The following TUSC3 variants were observed in gnomAD, a reference collection of about 807,000 sequenced individuals.
TUSC3 encodes the protein tumor suppressor candidate 3, also known as dolichyl-diphosphooligosaccharide--protein glycosyltransferase subunit TUSC3.
TUSC3 carries 45 observed loss-of-function variants against 44.8 expected under a neutral mutation model. That is an observed-to-expected ratio of 1.00 (90% CI 0.79 to 1.29). The LOEUF (loss-of-function observed/expected upper bound fraction) is 1.29, where lower values mean the gene tolerates loss of function less well. TUSC3 is among the 50% of genes most tolerant of loss of function. The probability of loss-of-function intolerance (pLI) is 0.00; values close to 1 mark genes in which losing one functional copy is unlikely to be tolerated. For missense variants in TUSC3, 519 were observed against 437.9 expected (o/e 1.19, Z -1.65); for synonymous variants, 212 against 152.9 (o/e 1.39, Z -2.85).
chr8:15,428,492 G>T (rs1245620913), intron 1 of TUSC3, among the ~76,000 whole-genome samples: 2 of 151,986 alleles, frequency 1.3e-5, no homozygotes, highest in Non-Finnish European at 2.9e-5. Flanking sequence ...CCCAGTAATG[G>T]GATGGCTGGG....
At chr8:15,626,548 C>T (rs141260393) in intron 2 of TUSC3, among the ~76,000 whole-genome samples, 33 of 152,314 alleles carry the variant, frequency 2.2e-4, no homozygotes, top group African/African-American at 6.7e-4. Context: ...CCCTCCTGGG[C>T]GCAGCTGCAA....
the TUSC3 span, among the ~76,000 whole-genome samples, chr8:15,794,018 T>A: frequency 6.6e-6 from 1 of 152,296 alleles, no homozygotes; most frequent in South Asian, 2.1e-4. Context: ...AGATGACAAG[T>A]ACCTTTCCTT....
intron 6 of TUSC3, among the ~76,000 whole-genome samples, chr8:15,719,514 CACCACACACACACACACACA>C (rs1485323224): frequency 2.2e-5 from 3 of 134,384 alleles, no homozygotes; most frequent in South Asian, 2.4e-4. Context: ...CACACACACA[CACCACACACACACACACACA>C]CACACACACA....
chr8:15,750,195 G>A (rs1341331735), intron 9 of TUSC3, among the ~76,000 whole-genome samples: 2 of 151,820 alleles, frequency 1.3e-5, no homozygotes, highest in African/African-American at 4.8e-5. Context: ...TAGCCAGGAT[G>A]GTCTCGATCT....
intron 6 of TUSC3, among the ~76,000 whole-genome samples, chr8:15,685,932 A>G (rs3959104): frequency 0.035 from 5,160 of 148,568 alleles, 279 homozygotes; most frequent in African/African-American, 0.12. Flanking sequence ...GAAATCAAAC[A>G]TGTCTAGGAA....
chr8:15,596,810 T>C (rs1585137649), intron 1 of TUSC3, among the ~76,000 whole-genome samples: 1 of 152,136 alleles, frequency 6.6e-6, no homozygotes, highest in African/African-American at 2.4e-5. Flanking sequence ...TAACTCTTTT[T>C]CTCCCTTCCC....
intron 1 of TUSC3, among the ~76,000 whole-genome samples, chr8:15,437,342 T>C (rs1040209175): frequency 6.6e-6 from 1 of 152,210 alleles, no homozygotes; most frequent in African/African-American, 2.4e-5. Context: ...TATCTCTGTT[T>C]ACTACATTTC....
intron 1 of TUSC3, among the ~76,000 whole-genome samples, chr8:15,557,851 T>C (rs1178429760): frequency 8.4e-6 from 1 of 119,694 alleles, no homozygotes; most frequent in African/African-American, 3.0e-5. Context: ...TGTACATTGA[T>C]TTTGTATCCT....
chr8:15,703,982 G>A lies in TUSC3; in HGVS notation c.799-26684G>A, dbSNP rs569165384. Among the ~76,000 whole-genome samples the A allele has an allele frequency of 9.5e-4, 144 of 152,278 alleles. 4 individuals are homozygous for A. The highest frequency in any genetic ancestry group is 3.4e-3 in the Middle Eastern group (1 of 294). On this transcript the variant is annotated intron_variant, in intron 6 of 10. Transcript: ENST00000503731. ...TGCAAAATAAGTGACGAACAAAATA[G>A]ATAAAGCTTATAACCTCAAAAAGCT...
chr8:15,792,365 G>C, the TUSC3 span, among the ~76,000 whole-genome samples: 2 of 152,144 alleles, frequency 1.3e-5, no homozygotes, highest in South Asian at 2.1e-4. Context: ...TGATGTTACT[G>C]AGTGGCCACT....
chr8:15,597,629 G>C (rs1236605339), intron 1 of TUSC3, among the ~76,000 whole-genome samples: 1 of 152,022 alleles, frequency 6.6e-6, no homozygotes, highest in African/African-American at 2.4e-5. Context: ...TTGAGCATTG[G>C]ATATGTATAG....
chr8:15,424,662 C>T (rs1237042690), intron 1 of TUSC3, among the ~76,000 whole-genome samples: 2 of 152,082 alleles, frequency 1.3e-5, no homozygotes, highest in East Asian at 1.9e-4. Context: ...GGATGGATCA[C>T]GAGGTCAGGA....
intron 1 of TUSC3, among the ~76,000 whole-genome samples, chr8:15,436,933 C>G (rs28374027): frequency 0.16 from 24,678 of 152,132 alleles, 2,075 homozygotes; most frequent in Middle Eastern, 0.22. Context: ...TCAGATCAAT[C>G]TTTTCCTATT....
At chr8:15,833,500 G>C in the TUSC3 span, among the ~76,000 whole-genome samples, 4 of 152,216 alleles carry the variant, frequency 2.6e-5, no homozygotes, top group Non-Finnish European at 4.4e-5. Flanking sequence ...AAATGTGGTA[G>C]TCCACGGAAT....
intron 6 of TUSC3, among the ~76,000 whole-genome samples, chr8:15,716,108 T>C (rs142165059): frequency 2.5e-4 from 38 of 151,924 alleles, no homozygotes; most frequent in African/African-American, 8.9e-4. Context: ...ATACAAAAAT[T>C]AGCTTGGCAT....
At chr8:15,828,986 G>A in the TUSC3 span, among the ~76,000 whole-genome samples, 1 of 152,142 alleles carries the variant, frequency 6.6e-6, no homozygotes, top group Non-Finnish European at 1.5e-5. Flanking sequence ...ATTGGAAAAA[G>A]TATCCAATTC....
At chr8:15,703,824 G>A (rs1018288825) in intron 6 of TUSC3, among the ~76,000 whole-genome samples, 3 of 152,082 alleles carry the variant, frequency 2.0e-5, no homozygotes, top group Non-Finnish European at 4.4e-5. Context: ...AACAAATGGG[G>A]ATCACATTTC....
intron 7 of TUSC3, among the ~76,000 whole-genome samples, chr8:15,741,612 G>A (rs1489632435): frequency 1.3e-5 from 2 of 151,948 alleles, no homozygotes; most frequent in Non-Finnish European, 1.5e-5. Context: ...GCTTGAACCT[G>A]GGAGGCAGAG....
Position 15,475,842 on chromosome 8 carries a change from C to T in TUSC3, n.92-7544C>T, listed in dbSNP as rs566140992. On this transcript the variant is annotated intron_variant and non_coding_transcript_variant, in intron 1 of 5. Transcript: ENST00000503191. Reference sequence around the variant, plus strand: ...TCTGAAAGTCTAGATGATATAGTTGCACTAATTCTCTTCCTCTGATAGATT... The same window carrying T: ...TCTGAAAGTCTAGATGATATAGTTGTACTAATTCTCTTCCTCTGATAGATT... Among the ~76,000 whole-genome samples, 7 of 152,218 alleles carry T rather than the reference C, an allele frequency of 4.6e-5. No individual in the cohort carries two copies. The South Asian group carries it at 1.5e-3, about 32-fold the overall frequency.
Sources: gnomAD v4.1 joint callset for allele counts (sites outside exome capture counted in the v4.1 genomes callset) on GRCh38, gnomAD v4.1.1 for gene constraint, MANE v1.5 for transcripts, NCBI Gene and HGNC (gene_info 2026-07-23, HGNC 2026-07-21) for gene names.